Variants in LGALS13 observed in about 807,000 individuals in gnomAD.
LGALS13 encodes galectin 13, also known as galactoside-binding soluble lectin 13.
Under a neutral mutation model 13.2 loss-of-function variants are expected in LGALS13, and 11 were observed. That is an observed-to-expected ratio of 0.83 (90% CI 0.52 to 1.38). The LOEUF is 1.38. LGALS13 is among the 40% of genes most tolerant of loss of function. LGALS13 has a pLI of 0.00. For synonymous variants in LGALS13, 71 were observed against 63.7 expected (o/e 1.11, Z -0.54); for missense variants, 183 against 174.3 (o/e 1.05, Z -0.28).
chr19:39,605,906 G>A (rs950131277), intron 3 of LGALS13, among the ~76,000 whole-genome samples: 8 of 152,140 alleles, frequency 5.3e-5, no homozygotes, highest in Admixed American at 2.0e-4. Flanking sequence ...GAGTGCAGTG[G>A]CATGATATCA....
At chr19:39,603,989 G>A (rs1318930519) in intron 1 of LGALS13, 1 of 985,244 alleles carries the variant, frequency 1.0e-6, no homozygotes, top group Non-Finnish European at 1.2e-6. Context: ...CCCCTTCTTG[G>A]AAGGATGTCC....
chr19:39,604,489 A>G lies in LGALS13; in HGVS notation c.16-113A>G, dbSNP rs192299947. Reference sequence around the variant, plus strand: ...TGAATGCGGTAGGGTTAAAGAGGAGAGTCCACAGAGTCTGCCCTTTCATCT... The same window carrying G: ...TGAATGCGGTAGGGTTAAAGAGGAGGGTCCACAGAGTCTGCCCTTTCATCT... On this transcript the variant is annotated intron_variant, in intron 1 of 3. Transcript: ENST00000221797. 5.1e-5 allele frequency: 58 copies of G among 1,136,466 alleles called. No individual in the cohort carries two copies. In the Middle Eastern group the frequency reaches 9.7e-4, roughly 19 times the overall value. The allele number at this position is 1,136,466 out of a possible 1,614,324, so 70.4% of individuals were successfully genotyped here.
chr19:39,606,450 C>T (rs1039656275), intron 3 of LGALS13, among the ~76,000 whole-genome samples: 2 of 152,228 alleles, frequency 1.3e-5, no homozygotes, highest in Admixed American at 1.3e-4. Context: ...CTAATCAATC[C>T]TTTTGTCATT....
rs1293613002 is a variant in LGALS13, at chr19:39,605,239, T to C, written c.154T>C (p.Phe52Leu). 1.9e-6 allele frequency: 3 copies of C among 1,614,244 alleles called. No individual in the cohort carries two copies. In the Admixed American group the frequency reaches 5.0e-5, roughly 27 times the overall value. The change falls in exon 3 of 4, where the codon TTC becomes CTC. Residue 52 changes from phenylalanine to leucine, a missense_variant. Transcript: ENST00000221797. Reference sequence around the variant, plus strand: ...CATGGATGAGGATTCAGATATTGCCTTCCGTTTCCGAGTGCACTTTGGCAA... The same window carrying C: ...CATGGATGAGGATTCAGATATTGCCCTCCGTTTCCGAGTGCACTTTGGCAA... ...TDMDEDSDIA[F>L]RFRVHFGNHV...
intron 2 of LGALS13, 26 bp downstream of exon 2, chr19:39,604,704 G>A (rs762377495): frequency 5.0e-6 from 8 of 1,606,032 alleles, no homozygotes; most frequent in Non-Finnish European, 6.0e-6. Context: ...TCCAATGGAG[G>A]GGTTGGAGAA....
intron 1 of LGALS13, 47 bp from the exon 2 acceptor site, chr19:39,604,555 A>G: frequency 6.2e-7 from 1 of 1,600,138 alleles, no homozygotes; most frequent in South Asian, 1.1e-5. Flanking sequence ...AGGAGGGGAG[A>G]CTGCACCTGA....
chr19:39,607,308 T>G lies in LGALS13; in HGVS notation c.389T>G (p.Ile130Ser), dbSNP rs144652684. The G allele has an allele frequency of 2.5e-6, 4 of 1,613,626 alleles. No individual in the cohort carries two copies. Among genetic ancestry groups the G allele is most frequent in the Non-Finnish European group, 3.4e-6 (4 of 1,179,554 alleles). Residue 130 changes from isoleucine (I) to serine (S), a missense_variant, in exon 4 of 4, where the codon ATC (isoleucine) becomes AGC (serine). By Grantham distance (142) the Ile-to-Ser change is moderately radical. Coordinates refer to ENST00000221797, the MANE Select transcript of LGALS13 (RefSeq NM_013268.3). ...AAGATGGTGCAAGTGTCGAGAGATATCTCCCTGACCTCAGTGTGTGTCTGC... is the reference window on the plus strand; with the variant it reads ...AAGATGGTGCAAGTGTCGAGAGATAGCTCCCTGACCTCAGTGTGTGTCTGC... ...FVKMVQVSRD[I>S]SLTSVCVCN
chr19:39,605,401 G>A lies in LGALS13; in HGVS notation c.303+13G>A, dbSNP rs1258708386. The A allele has an allele frequency of 1.2e-6, 2 of 1,611,374 alleles. No individual in the cohort carries two copies. The highest frequency in any genetic ancestry group is 3.3e-5 in the Admixed American group (2 of 59,964). On this transcript the variant is annotated intron_variant, in intron 3 of 3. Transcript: ENST00000221797. Reference sequence around the variant, plus strand: ...CAATGAGTATGAGGTGAGCATCCCAGGAGCTCCCAGCACCCAGGCTCTGTG... The same window carrying A: ...CAATGAGTATGAGGTGAGCATCCCAAGAGCTCCCAGCACCCAGGCTCTGTG...
chr19:39,605,128 G>A, intron 2 of LGALS13, 50 bp from the exon 3 acceptor site: 1 of 1,444,234 alleles, frequency 6.9e-7, no homozygotes, highest in Non-Finnish European at 9.7e-7. Context: ...TCGAGTGTGT[G>A]TCTGCGCAAG....
chr19:39,605,276 T>C lies in LGALS13; in HGVS notation c.191T>C (p.Met64Thr). The change falls in exon 3 of 4, where the codon ATG becomes ACG. Residue 64 changes from methionine to threonine, a missense_variant. Physicochemically the swap from Met to Thr is moderately conservative, Grantham distance 81. Coordinates refer to ENST00000221797, the MANE Select transcript of LGALS13 (RefSeq NM_013268.3). The stretch of plus-strand genomic sequence containing the variant: ...GTGCACTTTGGCAATCATGTGGTCA[T>C]GAACAGGCGTGAGTTTGGGATATGG... Reference protein sequence around the residue: ...FRVHFGNHVVMNRREFGIWML... With the variant: ...FRVHFGNHVVTNRREFGIWML... The C allele has an allele frequency of 6.2e-7, 1 of 1,614,204 alleles. No homozygotes were observed. The highest frequency in any genetic ancestry group is 1.1e-5 in the South Asian group (1 of 91,090).
chr19:39,605,363 TCTACG>T lies in LGALS13; in HGVS notation c.279_283del (p.Tyr94ThrfsTer4). 1 of 1,614,164 alleles carries T rather than the reference TCTACG, an allele frequency of 6.2e-7. No individual in the cohort carries two copies. The highest frequency in any genetic ancestry group is 8.5e-7 in the Non-Finnish European group (1 of 1,180,024). On this transcript the variant is annotated frameshift_variant, in exon 3 of 4. Coordinates refer to ENST00000221797, the MANE Select transcript of LGALS13 (RefSeq NM_013268.3). LOFTEE classifies it low-confidence loss of function (END_TRUNC). Reference sequence around the variant, plus strand: ...GATGGCAAACAATTTGAGCTGTGCATCTACGTACATTACAATGAGTATGAGGTGAG... The same window carrying T: ...GATGGCAAACAATTTGAGCTGTGCATTACATTACAATGAGTATGAGGTGAG...
chr19:39,603,087 C>A (rs1341304220), intron 1 of LGALS13, among the ~76,000 whole-genome samples: 1 of 152,116 alleles, frequency 6.6e-6, no homozygotes, highest in African/African-American at 2.4e-5. Context: ...ATGCATGTGG[C>A]TTTCTTCACA....
At chr19:39,606,660 C>A (rs113116093) in intron 3 of LGALS13, among the ~76,000 whole-genome samples, 1 of 152,148 alleles carries the variant, frequency 6.6e-6, no homozygotes, top group African/African-American at 2.4e-5. Context: ...CAGATTCAAG[C>A]GAGGGATCTT....
intron 1 of LGALS13, 55 bp from the exon 2 acceptor site, chr19:39,604,544 CAGG>C: frequency 1.3e-6 from 2 of 1,581,114 alleles, no homozygotes; most frequent in Non-Finnish European, 1.7e-6. Context: ...GAATATGTTA[CAGG>C]AGGGGAGACT....
intron 3 of LGALS13, 129 bp from the exon 4 acceptor site, chr19:39,607,094 T>A: frequency 1.3e-6 from 1 of 751,618 alleles, no homozygotes; most frequent in Non-Finnish European, 2.5e-6. Flanking sequence ...CATAAGTGTA[T>A]CTAATACGTT....
At chr19:39,604,483 G>A (rs933357247) in intron 1 of LGALS13, 119 bp from the exon 2 acceptor site, 4 of 1,110,438 alleles carry the variant, frequency 3.6e-6, no homozygotes, top group Non-Finnish European at 2.7e-6. Flanking sequence ...TAGGGTTAAA[G>A]AGGAGAGTCC....
intron 1 of LGALS13, chr19:39,603,867 T>A (rs1462176566): frequency 2.3e-6 from 2 of 882,228 alleles, no homozygotes; most frequent in Non-Finnish European, 2.7e-6. Flanking sequence ...TACAGAAAAA[T>A]CATCTCATCT....
Position 39,605,460 on chromosome 19 carries a change from T to A in LGALS13, c.303+72T>A, listed in dbSNP as rs2233708. On this transcript the variant is annotated intron_variant, in intron 3 of 3. Coordinates refer to ENST00000221797, the MANE Select transcript of LGALS13 (RefSeq NM_013268.3). ...AAACAGGAGGCAGCTCTCATTGATC[T>A]GGCCTCAGTAGTCCGTCAGGGTCCA... is the stretch of plus-strand genomic sequence containing the variant. 14,299 of 1,267,336 alleles carry A rather than the reference T, an allele frequency of 0.011. 816 individuals are homozygous for A. In the African/African-American group the frequency reaches 0.15, roughly 13 times the overall value. The allele number at this position is 1,267,336 out of a possible 1,614,324, so 78.5% of individuals were successfully genotyped here.
Position 39,607,330 on chromosome 19 carries a change from C to A in LGALS13, c.411C>A (p.Val137=). 1 of 1,602,828 alleles carries A rather than the reference C, an allele frequency of 6.2e-7. No individual in the cohort carries two copies. The highest frequency in any genetic ancestry group is 8.5e-7 in the Non-Finnish European group (1 of 1,169,714). The change falls in exon 4 of 4, where the codon GTC becomes GTA. Residue 137 remains valine, a synonymous_variant. Coordinates refer to ENST00000221797, the MANE Select transcript of LGALS13 (RefSeq NM_013268.3). ...SRDISLTSVC[V]CN Reference sequence around the variant, plus strand: ...ATATCTCCCTGACCTCAGTGTGTGTCTGCAATTGAGGGAGATGATCACACT... The same window carrying A: ...ATATCTCCCTGACCTCAGTGTGTGTATGCAATTGAGGGAGATGATCACACT...
Sources: allele counts gnomAD v4.1 joint callset (sites outside exome capture counted in the v4.1 genomes callset), GRCh38; gene constraint gnomAD v4.1.1; transcripts MANE v1.5; gene names NCBI Gene and HGNC (gene_info 2026-07-23, HGNC 2026-07-21).